The following PRSS12 variants were observed in gnomAD, a reference collection of about 807,000 sequenced individuals.
PRSS12 encodes the protein serine protease 12, also known as neurotrypsin.
In PRSS12, 85 loss-of-function variants were observed where a neutral mutation model predicts 104.4. The ratio of observed to expected loss-of-function variants is 0.81; its 90% CI spans 0.68 to 0.98. PRSS12 has a LOEUF of 0.98. Ranked by LOEUF, PRSS12 falls within the 50% of genes least tolerant of loss-of-function variation. The probability of loss-of-function intolerance (pLI) is 0.00; values close to 1 mark genes in which losing one functional copy is unlikely to be tolerated. For synonymous variants in PRSS12, 454 were observed against 425.2 expected (o/e 1.07, Z -0.83); for missense variants, 1,141 against 1,139.2 (o/e 1.00, Z -0.02).
intron 8 of PRSS12, among the ~76,000 whole-genome samples, chr4:118,300,156 G>A (rs1374283476): frequency 4.6e-5 from 7 of 151,832 alleles, no homozygotes; most frequent in South Asian, 2.1e-4. Flanking sequence ...GACTACAGGC[G>A]CATGCCACCA....
In PRSS12 at chr4:118,299,708, AAAAT is replaced by A. The variant is rs1203147682; in HGVS notation, c.1632-774_1632-771del. 8.3e-3 allele frequency among the ~76,000 whole-genome samples: 839 copies of A among 101,372 alleles called. 12 individuals carry two copies. Among genetic ancestry groups the A allele is most frequent in the African/African-American group, 0.026 (753 of 28,830 alleles). The allele number at this position is 101,372 out of a possible 152,430, so 66.5% of individuals were successfully genotyped here. On this transcript the variant is annotated intron_variant, in intron 8 of 12. Coordinates refer to ENST00000296498, the MANE Select transcript of PRSS12 (RefSeq NM_003619.4). ...AAATAATAAAATAAATAAAATAAATAAAATAAATAAAATAAAATAAAATAAAATA... is the reference window on the plus strand; with the variant it reads ...AAATAATAAAATAAATAAAATAAATAAAATAAAATAAAATAAAATAAAATA...
chr4:118,285,694 TAATAAG>T (rs1318809879), intron 11 of PRSS12, among the ~76,000 whole-genome samples: 1 of 152,222 alleles, frequency 6.6e-6, no homozygotes, highest in African/African-American at 2.4e-5. Context: ...TCCCTATAGA[TAATAAG>T]AATATTAAAT....
chr4:118,323,278 A>ATC lies in PRSS12; in HGVS notation c.972-4724_972-4723dup, dbSNP rs1723680272. 1.3e-5 allele frequency among the ~76,000 whole-genome samples: 2 copies of ATC among 152,108 alleles called. 1 individual carries two copies. The highest frequency in any genetic ancestry group is 2.9e-5 in the Non-Finnish European group (2 of 67,998). On this transcript the variant is annotated intron_variant, in intron 4 of 12. Transcript: ENST00000296498. The stretch of plus-strand genomic sequence containing the variant: ...AAAGGCAGATTAACAGCCTTCTTGG[A>ATC]TCTTTGCCCTGAGATAAATGCCACC...
At chr4:118,287,615 C>G (rs181733800) in intron 11 of PRSS12, among the ~76,000 whole-genome samples, 1 of 152,278 alleles carries the variant, frequency 6.6e-6, no homozygotes, top group Admixed American at 6.5e-5. Flanking sequence ...TTTTTGTCTT[C>G]TAGTGTCACC....
chr4:118,315,203 AGTAT>A (rs1319732955), intron 6 of PRSS12, among the ~76,000 whole-genome samples: 2 of 152,116 alleles, frequency 1.3e-5, no homozygotes, highest in Non-Finnish European at 2.9e-5. Flanking sequence ...AAAAATTGTG[AGTAT>A]GTAGCAATAT....
At chr4:118,313,538 C>A in intron 6 of PRSS12, 141 bp from the exon 7 acceptor site, 1 of 877,950 alleles carries the variant, frequency 1.1e-6, no homozygotes, top group South Asian at 1.4e-5. Context: ...CTTGGGGACG[C>A]AGTTTAGAGC....
chr4:118,327,068 A>G lies in PRSS12; in HGVS notation c.971+4648T>C, dbSNP rs146335396. On this transcript the variant is annotated intron_variant, in intron 4 of 12. Coordinates refer to ENST00000296498, the MANE Select transcript of PRSS12 (RefSeq NM_003619.4). Reference sequence around the variant, plus strand: ...CACATTCAAAGCCGTCTTGGGCTGCATATGGCCTGCGGGCTGTGGGTTGGA... The same window carrying G: ...CACATTCAAAGCCGTCTTGGGCTGCGTATGGCCTGCGGGCTGTGGGTTGGA... Among the ~76,000 whole-genome samples the G allele has an allele frequency of 6.9e-3, 1,054 of 152,350 alleles. 13 individuals carry two copies. The highest frequency in any genetic ancestry group is 0.023 in the African/African-American group (966 of 41,592).
At chr4:118,346,520 A>G (rs113370457) in intron 1 of PRSS12, among the ~76,000 whole-genome samples, 16 of 151,766 alleles carry the variant, frequency 1.1e-4, no homozygotes, top group African/African-American at 2.7e-4. Flanking sequence ...TATCCATCAA[A>G]TGCAGGTACC....
intron 9 of PRSS12, among the ~76,000 whole-genome samples, chr4:118,297,074 T>C (rs1348785786): frequency 6.6e-6 from 1 of 152,124 alleles, no homozygotes; most frequent in Non-Finnish European, 1.5e-5. Context: ...AAAAGAAAAA[T>C]GAAGTTCATT....
At chr4:118,299,419 G>A (rs1743335648) in intron 8 of PRSS12, among the ~76,000 whole-genome samples, 2 of 152,128 alleles carry the variant, frequency 1.3e-5, no homozygotes, top group South Asian at 4.1e-4. Flanking sequence ...GTTGGCTCAT[G>A]CCTAGAATCC....
chr4:118,352,602 C>T lies in PRSS12; in HGVS notation c.119G>A (p.Gly40Asp), dbSNP rs762547350. ...GGGAAGGTAATAGGGGTAGTGCGGACCCGCAGGGGGCGAATGGCGGTGGCT... is the reference window on the plus strand; with the variant it reads ...GGGAAGGTAATAGGGGTAGTGCGGATCCGCAGGGGGCGAATGGCGGTGGCT... ...HHSHRHSPPA[G>D]PHYPYYLPTQ... The change falls in exon 1 of 13, where the codon GGT (glycine) becomes GAT (aspartate). Residue 40 changes from glycine to aspartate, a missense_variant. Transcript: ENST00000296498. 6.2e-7 allele frequency: 1 copy of T among 1,608,940 alleles called. No individual in the cohort carries two copies. Among genetic ancestry groups the T allele is most frequent in the Non-Finnish European group, 8.5e-7 (1 of 1,177,900 alleles).
At chr4:118,317,845 G>C (rs1204600885) in intron 5 of PRSS12, among the ~76,000 whole-genome samples, 1 of 152,024 alleles carries the variant, frequency 6.6e-6, no homozygotes, top group Non-Finnish European at 1.5e-5. Context: ...AAACATGTAA[G>C]TACATACACG....
At chr4:118,312,295 T>C (rs1743756755) in intron 7 of PRSS12, among the ~76,000 whole-genome samples, 2 of 151,740 alleles carry the variant, frequency 1.3e-5, no homozygotes, top group Admixed American at 1.3e-4. Flanking sequence ...TACAAAGGAG[T>C]TGATTCAATC....
intron 4 of PRSS12, among the ~76,000 whole-genome samples, chr4:118,323,266 C>T (rs1471903985): frequency 6.6e-6 from 1 of 152,106 alleles, no homozygotes; most frequent in Non-Finnish European, 1.5e-5. Flanking sequence ...GGCAGATTAA[C>T]AGCCTTCTTG....
chr4:118,325,401 C>T (rs928105605), intron 4 of PRSS12, among the ~76,000 whole-genome samples: 1 of 149,318 alleles, frequency 6.7e-6, no homozygotes, highest in Non-Finnish European at 1.5e-5. Flanking sequence ...TTTAATGATA[C>T]AAAAATGTTT....
intron 9 of PRSS12, among the ~76,000 whole-genome samples, chr4:118,297,347 AC>A (rs1361943355): frequency 6.6e-6 from 1 of 152,120 alleles, no homozygotes; most frequent in East Asian, 1.9e-4. Flanking sequence ...ATGTTTTTCA[AC>A]TGCTTACGGA....
At chr4:118,341,087 T>C (rs1724194678) in intron 1 of PRSS12, among the ~76,000 whole-genome samples, 1 of 152,152 alleles carries the variant, frequency 6.6e-6, no homozygotes, top group Admixed American at 6.5e-5. Flanking sequence ...TTTTAGGTTT[T>C]ATGGCTGATT....
chr4:118,315,178 G>T (rs1743872370), intron 6 of PRSS12, among the ~76,000 whole-genome samples: 1 of 152,000 alleles, frequency 6.6e-6, no homozygotes, highest in South Asian at 2.1e-4. Context: ...AAATTCTGTG[G>T]ATATTGTTTT....
chr4:118,299,240 G>A (rs995631864), intron 8 of PRSS12, among the ~76,000 whole-genome samples: 2 of 151,912 alleles, frequency 1.3e-5, no homozygotes, highest in African/African-American at 4.8e-5. Flanking sequence ...GTTTAAGCAG[G>A]AAAAAATCAC....
Sources: gnomAD v4.1 joint callset for allele counts (sites outside exome capture counted in the v4.1 genomes callset) on GRCh38, gnomAD v4.1.1 for gene constraint, MANE v1.5 for transcripts, NCBI Gene and HGNC (gene_info 2026-07-23, HGNC 2026-07-21) for gene names.